KIF2A: variants seen among roughly 807,000 people sequenced by gnomAD.
The protein encoded by KIF2A is kinesin-like protein KIF2A.
Under a neutral mutation model 100.2 loss-of-function variants are expected in KIF2A, and 22 were observed. The observed-to-expected ratio is 0.22, with a 90% confidence interval of 0.16 to 0.31. The LOEUF (loss-of-function observed/expected upper bound fraction) is 0.31. Among genes scored for constraint, KIF2A ranks in the 10% least tolerant of loss-of-function variants. The probability of loss-of-function intolerance (pLI) is 1.00; values close to 1 mark genes in which losing one functional copy is unlikely to be tolerated. For synonymous variants in KIF2A, 268 were observed against 285.9 expected (o/e 0.94, Z 0.63); for missense variants, 495 against 898.7 (o/e 0.55, Z 5.74).
Position 62,350,078 on chromosome 5 carries a change from G to T in KIF2A, c.292G>T (p.Val98Leu). Residue 98 changes from valine to leucine, a missense_variant, in exon 4 of 21, where the codon GTA (valine) becomes TTA (leucine). Physicochemically the swap from Val to Leu is conservative, Grantham distance 32 (BLOSUM62 1). Coordinates refer to ENST00000407818, the MANE Select transcript of KIF2A (RefSeq NM_001098511.3). ...VNKIVKNRRT[V>L]ASIKNDPPSR... ...TTTCCTTTCATAGAATCGACGGACT[G>T]TAGCTTCTATTAAGAATGACCCTCC... 6.3e-7 allele frequency: 1 copy of T among 1,591,040 alleles called. No homozygotes were observed. Among genetic ancestry groups the T allele is most frequent in the Admixed American group, 1.8e-5 (1 of 56,686 alleles).
At chr5:62,372,285 T>G (rs964681936) in intron 16 of KIF2A, among the ~76,000 whole-genome samples, 153 bp from the exon 17 acceptor site, 2 of 152,232 alleles carry the variant, frequency 1.3e-5, no homozygotes, top group African/African-American at 4.8e-5. Context: ...CTCTTAAAAT[T>G]TGTTATTTGT....
chr5:62,359,328 C>A (rs1404595897), intron 9 of KIF2A, among the ~76,000 whole-genome samples: 4 of 152,010 alleles, frequency 2.6e-5, no homozygotes, highest in African/African-American at 9.7e-5. Context: ...TCTGATTGCC[C>A]TTTTTCATAA....
intron 1 of KIF2A, among the ~76,000 whole-genome samples, chr5:62,338,481 AG>A (rs1332473054): frequency 1.3e-5 from 2 of 152,030 alleles, no homozygotes; most frequent in East Asian, 3.9e-4. Flanking sequence ...GTAGAGTTAG[AG>A]TTCCACCATG....
intron 1 of KIF2A, among the ~76,000 whole-genome samples, chr5:62,331,068 T>C (rs1746611475): frequency 6.6e-6 from 1 of 152,360 alleles, no homozygotes; most frequent in East Asian, 1.9e-4. Context: ...TTATTTTTAC[T>C]AATAATTTAA....
At chr5:62,362,707 G>A (rs991177844) in intron 12 of KIF2A, among the ~76,000 whole-genome samples, 166 bp downstream of exon 12, 3 of 152,066 alleles carry the variant, frequency 2.0e-5, no homozygotes, top group Non-Finnish European at 4.4e-5. Context: ...TAGAATTTAT[G>A]TTATGAGATT....
intron 1 of KIF2A, among the ~76,000 whole-genome samples, chr5:62,333,985 A>ACC (rs1746786712): frequency 6.6e-6 from 1 of 152,122 alleles, no homozygotes; most frequent in Non-Finnish European, 1.5e-5. Context: ...GCCATGGGAT[A>ACC]CTTAGAAGCT....
At chr5:62,360,681 C>A (rs941891819) in intron 9 of KIF2A, among the ~76,000 whole-genome samples, 1 of 150,824 alleles carries the variant, frequency 6.6e-6, no homozygotes, top group African/African-American at 2.4e-5. Flanking sequence ...AACGAGACTT[C>A]GTCTCAAAAA....
Position 62,357,724 on chromosome 5 carries a change from A to G in KIF2A, c.688A>G (p.Lys230Glu). Residue 230 changes from lysine (K) to glutamate (E), a missense_variant, in exon 8 of 21, where the codon AAA (lysine) becomes GAA (glutamate). By Grantham distance (56) the Lys-to-Glu change is moderately conservative. Transcript: ENST00000407818. ...ACATAGGATATGTGTGTGTGTAAGA[A>G]AACGACCACTCAATAAAAAAGGTAT... ...DEHRICVCVR[K>E]RPLNKKETQM... The G allele has an allele frequency of 6.4e-7, 1 of 1,564,598 alleles. No homozygotes were observed. Among genetic ancestry groups the G allele is most frequent in the Non-Finnish European group, 8.8e-7 (1 of 1,137,914 alleles).
chr5:62,362,922 G>T (rs1056076485), intron 12 of KIF2A, among the ~76,000 whole-genome samples: 18 of 152,152 alleles, frequency 1.2e-4, no homozygotes, highest in African/African-American at 4.3e-4. Flanking sequence ...AATCTCCTGA[G>T]CTCAAGTGAG....
intron 1 of KIF2A, among the ~76,000 whole-genome samples, chr5:62,327,563 T>C (rs141439616): frequency 1.3e-5 from 2 of 152,370 alleles, no homozygotes; most frequent in Admixed American, 6.5e-5. Flanking sequence ...ACTGGACAGA[T>C]ATCTTAAACT....
chr5:62,381,050 A>T (rs1395864264), intron 19 of KIF2A, 68 bp from the exon 20 acceptor site: 1 of 1,159,100 alleles, frequency 8.6e-7, no homozygotes, highest in East Asian at 2.4e-5. Flanking sequence ...ATTATATTTA[A>T]CAGAATTGTA....
Position 62,387,850 on chromosome 5 carries a change from A to G in KIF2A, c.*2281A>G, listed in dbSNP as rs1742111194. 1 of 152,170 alleles carries G rather than the reference A, an allele frequency of 6.6e-6. No individual in the cohort carries two copies. Among genetic ancestry groups the G allele is most frequent in the African/African-American group, 2.4e-5 (1 of 41,464 alleles). The allele number at this position is 152,170 out of a possible 1,614,324, so 9.4% of individuals were successfully genotyped here. A position where few individuals can be genotyped will look rare whatever the true frequency, so the allele number is the denominator to read the frequency against. On this transcript the variant is annotated 3_prime_UTR_variant, in exon 21 of 21. Transcript: ENST00000407818. ...AGAACAAGCATTATTTTAATTATGT[A>G]GTAACATTTACTATGACTTTGAAGC...
At chr5:62,308,324 C>T in intron 1 of KIF2A, 3 of 1,428,418 alleles carry the variant, frequency 2.1e-6, no homozygotes, top group East Asian at 5.1e-5. Flanking sequence ...TACGAGTTCA[C>T]AGTATACCAG....
At chr5:62,350,166 T>C in intron 4 of KIF2A, 46 bp downstream of exon 4, 2 of 1,098,444 alleles carry the variant, frequency 1.8e-6, no homozygotes, top group East Asian at 2.7e-5. Flanking sequence ...GACTTCTTAG[T>C]ATGTTCCTGA....
intron 1 of KIF2A, among the ~76,000 whole-genome samples, chr5:62,315,482 A>C (rs1279940431): frequency 4.6e-5 from 7 of 152,232 alleles, no homozygotes; most frequent in Non-Finnish European, 8.8e-5. Context: ...GACTTCTTGG[A>C]GAGTGAAGTT....
chr5:62,338,021 A>G (rs773281372), intron 1 of KIF2A, among the ~76,000 whole-genome samples: 20 of 152,300 alleles, frequency 1.3e-4, no homozygotes, highest in Middle Eastern at 3.4e-3. Context: ...GGCCAAGAAG[A>G]TCAAAGAGAC....
At chr5:62,308,454 A>G in intron 1 of KIF2A, 2 of 919,540 alleles carry the variant, frequency 2.2e-6, no homozygotes, top group Non-Finnish European at 3.4e-6. Context: ...TCTCGCGTTC[A>G]TTGCAGCATT....
Position 62,385,670 on chromosome 5 carries a change from G to T in KIF2A, c.*101G>T. ...TGAAAGTTTGGAATTTTAAGTGTCT[G>T]TGGAAAATGTTTTGTCCTTCACCTG... On this transcript the variant is annotated 3_prime_UTR_variant, in exon 21 of 21. Transcript: ENST00000407818. 1 of 776,014 alleles carries T rather than the reference G, an allele frequency of 1.3e-6. No individual in the cohort carries two copies. The highest frequency in any genetic ancestry group is 2.1e-6 in the Non-Finnish European group (1 of 467,448). 48.1% of individuals were successfully genotyped at this position (776,014 alleles called of 1,614,324 possible).
At chr5:62,370,419 G>C (rs1010696630) in intron 16 of KIF2A, among the ~76,000 whole-genome samples, 2 of 151,940 alleles carry the variant, frequency 1.3e-5, no homozygotes, top group African/African-American at 4.8e-5. Context: ...TCAGCCTCCC[G>C]AGTAGCTGGG....
Sources: allele counts gnomAD v4.1 joint callset (sites outside exome capture counted in the v4.1 genomes callset), GRCh38; gene constraint gnomAD v4.1.1; transcripts MANE v1.5; gene names NCBI Gene and HGNC (gene_info 2026-07-23, HGNC 2026-07-21).